The following CCDC66 variants were observed in gnomAD, a reference collection of about 807,000 sequenced individuals.
The protein encoded by CCDC66 is coiled-coil domain containing 66.
In CCDC66, 133 loss-of-function variants were observed where a neutral mutation model predicts 128.3. The ratio of observed to expected loss-of-function variants is 1.04; its 90% CI spans 0.90 to 1.20. CCDC66 has a LOEUF of 1.20. Ranked by LOEUF, CCDC66 falls within the 50% of genes most tolerant of loss-of-function variation. CCDC66 has a pLI of 0.00. For synonymous variants in CCDC66, 387 were observed against 357.0 expected, an observed-to-expected ratio of 1.08 and a Z score of -0.95; for missense variants, 1,126 against 1,075.5, an observed-to-expected ratio of 1.05 and a Z score of -0.66.
intron 7 of CCDC66, among the ~76,000 whole-genome samples, chr3:56,575,674 C>T (rs1170064103): frequency 2.0e-5 from 3 of 151,804 alleles, no homozygotes; most frequent in African/African-American, 7.2e-5. Flanking sequence ...GTCTGATCAT[C>T]GGACTGTATT....
At chr3:56,583,062 A>G (rs909804006) in intron 7 of CCDC66, among the ~76,000 whole-genome samples, 1 of 151,288 alleles carries the variant, frequency 6.6e-6, no homozygotes, top group African/African-American at 2.4e-5. Flanking sequence ...TATTCTGTAG[A>G]GACAGGGTTG....
chr3:56,592,832 C>A lies in CCDC66; in HGVS notation c.937-138C>A, dbSNP rs577907540. On this transcript the variant is annotated intron_variant, in intron 7 of 17. Coordinates refer to ENST00000394672, the MANE Select transcript of CCDC66 (RefSeq NM_001141947.3). ...CTACTTAATTCTTTGAATTCAAATTCGTTTGAAGTTATTGCTCCTCTTACA... is the reference window on the plus strand; with the variant it reads ...CTACTTAATTCTTTGAATTCAAATTAGTTTGAAGTTATTGCTCCTCTTACA... 34 of 745,852 alleles carry A rather than the reference C, an allele frequency of 4.6e-5. No individual in the cohort carries two copies. The African/African-American group carries it at 6.2e-4, about 14-fold the overall frequency. 46.2% of individuals were successfully genotyped at this position (745,852 alleles called of 1,614,324 possible).
At chr3:56,614,992 T>C (rs2075307733) in intron 11 of CCDC66, 136 bp from the exon 12 acceptor site, 1 of 683,198 alleles carries the variant, frequency 1.5e-6, no homozygotes, top group South Asian at 3.3e-5. Flanking sequence ...GAACTTTGCC[T>C]TGTTGACTGT....
At chr3:56,620,171 A>C in intron 17 of CCDC66, 1 of 209,738 alleles carries the variant, frequency 4.8e-6, no homozygotes, top group Non-Finnish European at 9.5e-6. Context: ...AAATGCATAC[A>C]TTGGAACGGC....
intron 10 of CCDC66, among the ~76,000 whole-genome samples, chr3:56,596,088 T>G (rs1431666058): frequency 1.3e-5 from 2 of 152,154 alleles, no homozygotes; most frequent in Non-Finnish European, 2.9e-5. Context: ...CTAATGTTAA[T>G]TTTTTTCTTT....
rs1326266485 is a variant in CCDC66 at position 56,593,144 on chromosome 3, C to A, written c.1068+43C>A. On this transcript the variant is annotated intron_variant, in intron 8 of 17. Coordinates refer to ENST00000394672, the MANE Select transcript of CCDC66 (RefSeq NM_001141947.3). ...GTGGCTATAAAAGAAAAAATAAAAT[C>A]AAAGTCTTTAATCAATTAAAACTAG... is the stretch of plus-strand genomic sequence containing the variant. 6.2e-6 allele frequency: 9 copies of A among 1,443,596 alleles called. No individual in the cohort carries two copies. The Admixed American group carries it at 6.7e-5, about 11-fold the overall frequency. The allele number at this position is 1,443,596 out of a possible 1,614,324, so 89.4% of individuals were successfully genotyped here.
At chr3:56,563,099 G>A (rs1319289720) in intron 3 of CCDC66, among the ~76,000 whole-genome samples, 10 of 151,920 alleles carry the variant, frequency 6.6e-5, no homozygotes, top group Admixed American at 5.2e-4. Context: ...GGTGGCTCAC[G>A]CCTGTAATCC....
At chr3:56,620,841 T>A (rs1360998377) in intron 17 of CCDC66, 1 of 152,280 alleles carries the variant, frequency 6.6e-6, no homozygotes, top group African/African-American at 2.4e-5. Context: ...AAGGTAAGGT[T>A]AGGACAGTCA....
intron 7 of CCDC66, among the ~76,000 whole-genome samples, chr3:56,583,733 A>G (rs1013823267): frequency 2.6e-5 from 4 of 151,806 alleles, no homozygotes; most frequent in East Asian, 2.0e-4. Context: ...TGATATCTCT[A>G]TCTTTTCCCC....
chr3:56,619,740 T>C (rs764821849), intron 16 of CCDC66, 37 bp from the exon 17 acceptor site: 3 of 1,609,210 alleles, frequency 1.9e-6, no homozygotes, highest in Non-Finnish European at 2.5e-6. Context: ...ATTTTACTAA[T>C]GTAATTGACT....
chr3:56,595,077 AT>A (rs1372577845), intron 10 of CCDC66, among the ~76,000 whole-genome samples: 1 of 152,220 alleles, frequency 6.6e-6, no homozygotes, highest in African/African-American at 2.4e-5. Flanking sequence ...ATAAAAACTT[AT>A]TTCTACAGTC....
Position 56,593,502 on chromosome 3 carries a change from T to C in CCDC66, c.1080T>C (p.His360=). 1 of 1,614,162 alleles carries C rather than the reference T, an allele frequency of 6.2e-7. No individual in the cohort carries two copies. Among genetic ancestry groups the C allele is most frequent in the Admixed American group, 1.7e-5 (1 of 60,030 alleles). ...EKIIYSKGEE[H]DRWAMHFDSL... ...TTTGTCATCATTAGGGTGAGGAACA[T>C]GACAGATGGGCAATGCACTTTGATT... The change falls in exon 9 of 18, where the codon CAT becomes CAC. Residue 360 remains histidine (H), a synonymous_variant. Coordinates refer to ENST00000394672, the MANE Select transcript of CCDC66 (RefSeq NM_001141947.3).
intron 14 of CCDC66, 192 bp from the exon 15 acceptor site, chr3:56,617,980 G>A (rs2075734211): frequency 4.9e-6 from 3 of 609,186 alleles, no homozygotes; most frequent in Non-Finnish European, 8.7e-6. Flanking sequence ...CATAGACAGA[G>A]GTTTGGGAGA....
In CCDC66 at chr3:56,605,995, A is replaced by G. The variant is rs574443988; in HGVS notation, c.1405-7594A>G. On this transcript the variant is annotated intron_variant, in intron 10 of 17. Coordinates refer to ENST00000394672, the MANE Select transcript of CCDC66 (RefSeq NM_001141947.3). ...CAAAGAGGAGGAATCTAGAGAGGCAATCTGGCCACAGCAGCCTTGCTGAGC... is the reference window on the plus strand; with the variant it reads ...CAAAGAGGAGGAATCTAGAGAGGCAGTCTGGCCACAGCAGCCTTGCTGAGC... Among the ~76,000 whole-genome samples the G allele has an allele frequency of 4.0e-3, 612 of 152,098 alleles. 5 individuals carry two copies. Among genetic ancestry groups the G allele is most frequent in the Middle Eastern group, 0.034 (10 of 294 alleles).
intron 7 of CCDC66, among the ~76,000 whole-genome samples, chr3:56,580,237 C>CT (rs1036654938): frequency 2.0e-5 from 3 of 151,510 alleles, no homozygotes; most frequent in South Asian, 2.1e-4. Flanking sequence ...GCAACCCCTG[C>CT]TTTTTTTTGT....
chr3:56,593,084 A>G lies in CCDC66; in HGVS notation c.1051A>G (p.Lys351Glu). 2 of 1,596,236 alleles carry G rather than the reference A, an allele frequency of 1.3e-6. No homozygotes were observed. Among genetic ancestry groups the G allele is most frequent in the African/African-American group, 1.3e-5 (1 of 74,456 alleles). ...TGACCGTCAAAGAAAAATAGAGGAA[A>G]AAATTATATATTCAAAGGTAACTTA... ...EDDRQRKIEE[K>E]IIYSKGEEHD... The change falls in exon 8 of 18, where the codon AAA (lysine) becomes GAA (glutamate). Residue 351 changes from lysine (K) to glutamate (E), a missense_variant. Physicochemically the swap from Lys to Glu is moderately conservative, Grantham distance 56. Transcript: ENST00000394672.
Position 56,563,726 on chromosome 3 carries a change from A to T in CCDC66, c.145A>T (p.Lys49Ter). 6.4e-7 allele frequency: 1 copy of T among 1,551,316 alleles called. No individual in the cohort carries two copies. Among genetic ancestry groups the T allele is most frequent in the Non-Finnish European group, 8.7e-7 (1 of 1,146,862 alleles). The stretch of plus-strand genomic sequence containing the variant: ...GATTGCAAAATGTCCTTTAAGAACA[A>T]AAACTGGGCACATTCTAAAATCAAC... ...AKIAKCPLRT[K>*]TGHILKSTQD... is the part of the protein sequence containing the mutation. The change falls in exon 4 of 18, where the codon AAA (lysine) becomes TAA (stop). Residue 49 changes from lysine (K) to a stop codon, truncating the protein, a stop_gained. Coordinates refer to ENST00000394672, the MANE Select transcript of CCDC66 (RefSeq NM_001141947.3). LOFTEE classifies it high-confidence loss of function.
At chr3:56,568,034 T>C (rs1431140727) in intron 6 of CCDC66, among the ~76,000 whole-genome samples, 1 of 152,092 alleles carries the variant, frequency 6.6e-6, no homozygotes, top group Non-Finnish European at 1.5e-5. Flanking sequence ...GGTAGTAGCC[T>C]TCAGAGAACA....
intron 8 of CCDC66, among the ~76,000 whole-genome samples, 192 bp from the exon 9 acceptor site, chr3:56,593,299 T>C (rs533627854): frequency 6.6e-6 from 1 of 152,252 alleles, no homozygotes; most frequent in South Asian, 2.1e-4. Context: ...ATTTCCTAAT[T>C]CTTTGAATTT....
Sources: allele counts gnomAD v4.1 joint callset (sites outside exome capture counted in the v4.1 genomes callset), GRCh38; gene constraint gnomAD v4.1.1; transcripts MANE v1.5; gene names NCBI Gene and HGNC (gene_info 2026-07-23, HGNC 2026-07-21).